Variants in HAPLN4 observed in about 807,000 individuals in gnomAD.
HAPLN4 encodes the protein brain link protein 2.
A neutral mutation model predicts 28.0 loss-of-function variants in HAPLN4; 19 were observed. That is an observed-to-expected ratio of 0.68 (90% CI 0.47 to 1.00). HAPLN4 has a LOEUF of 1.00. Among genes scored for constraint, HAPLN4 ranks in the 50% least tolerant of loss-of-function variants. The pLI, the probability that HAPLN4 is intolerant of heterozygous loss-of-function variation, is 0.00. For synonymous variants in HAPLN4, 274 were observed against 273.0 expected, an observed-to-expected ratio of 1.00 and a Z score of -0.03; for missense variants, 587 against 602.6, an observed-to-expected ratio of 0.97 and a Z score of 0.27.
Position 19,258,524 on chromosome 19 carries a change from C to T in HAPLN4, c.816G>A (p.Pro272=), listed in dbSNP as rs767885551. ...AGTCTTGGGGTGAGGCCTACGCACCCGGCAGGTTGGACGTGAAGCAGAAGG... is the reference window on the plus strand; with the variant it reads ...AGTCTTGGGGTGAGGCCTACGCACCTGGCAGGTTGGACGTGAAGCAGAAGG... The part of the protein sequence containing the change: ...YDAFCFTSNL[P]GRVFFLKPLR... Residue 272 remains proline, a splice_region_variant and synonymous_variant, in exon 4 of 5, where the codon CCG becomes CCA. Transcript: ENST00000291481. This position sits in a 1 kb window ranked among gnomAD's most constrained non-coding sequence, Gnocchi z 6.2. The T allele has an allele frequency of 8.1e-6, 13 of 1,613,002 alleles. No individual in the cohort carries two copies. The highest frequency in any genetic ancestry group is 1.1e-5 in the Non-Finnish European group (13 of 1,179,794).
chr19:19,257,477 T>C lies in HAPLN4; in HGVS notation c.*340A>G, dbSNP rs979794901. ...GGCGACCACGGGGGCAGTTGGTCTG[T>C]TTCCAAGTGGTCTCAGGAGGCGTGG... On this transcript the variant is annotated 3_prime_UTR_variant, in exon 5 of 5. Transcript: ENST00000291481. 7.9e-6 allele frequency: 2 copies of C among 254,650 alleles called. No individual in the cohort carries two copies. The highest frequency in any genetic ancestry group is 2.2e-5 in the African/African-American group (1 of 44,716). The allele number at this position is 254,650 out of a possible 1,614,324, so 15.8% of individuals were successfully genotyped here.
Position 19,258,695 on chromosome 19 carries a change from G to T in HAPLN4, c.645C>A (p.Arg215=). 6.2e-7 allele frequency: 1 copy of T among 1,606,666 alleles called. No individual in the cohort carries two copies. The highest frequency in any genetic ancestry group is 8.5e-7 in the Non-Finnish European group (1 of 1,177,588). The change falls in exon 4 of 5, where the codon CGC becomes CGA. Residue 215 remains arginine (R), a synonymous_variant. Transcript: ENST00000291481. The surrounding 1 kb of genome is among the most constrained non-coding windows in gnomAD (Gnocchi z 6.2). ...GLDWCNAGWL[R]DGSVQYPVNR... is the part of the protein sequence containing the mutation. ...TCACGGGGTATTGCACTGAGCCGTC[G>T]CGCAACCAGCCCGCGTTGCACCAGT... is the stretch of plus-strand genomic sequence containing the variant.
chr19:19,261,860 G>T (rs1158839777), intron 1 of HAPLN4, among the ~76,000 whole-genome samples: 4 of 151,380 alleles, frequency 2.6e-5, no homozygotes, highest in African/African-American at 9.7e-5. Context: ...GCCCTGGCCC[G>T]GGCCGGGGAT....
Position 19,261,470 on chromosome 19 carries a change from G to A in HAPLN4, c.97C>T (p.Arg33Trp), listed in dbSNP as rs1024845763. The A allele has an allele frequency of 2.0e-5, 33 of 1,612,162 alleles. No individual in the cohort carries two copies. Among genetic ancestry groups the A allele is most frequent in the Non-Finnish European group, 2.8e-5 (33 of 1,179,680 alleles). The change falls in exon 2 of 5, where the codon CGG becomes TGG. Residue 33 changes from arginine to tryptophan, a missense_variant. Transcript: ENST00000291481. Reference sequence around the variant, plus strand: ...CCCAGCACGTGCACGACCTTCTTCCGGCCACGCTGCGCCCCCGCAGGGGCT... The same window carrying A: ...CCCAGCACGTGCACGACCTTCTTCCAGCCACGCTGCGCCCCCGCAGGGGCT... ...LTAPAGAQRGRKKVVHVLEGE... is the reference protein window; with the variant it reads ...LTAPAGAQRGWKKVVHVLEGE...
Position 19,258,686 on chromosome 19 carries a change from T to C in HAPLN4, c.654A>G (p.Ser218=). Residue 218 remains serine, a synonymous_variant, in exon 4 of 5, where the codon TCA becomes TCG. Coordinates refer to ENST00000291481, the MANE Select transcript of HAPLN4 (RefSeq NM_023002.3). The surrounding 1 kb of genome is among the most constrained non-coding windows in gnomAD (Gnocchi z 6.2). ...WCNAGWLRDG[S]VQYPVNRPRE... ...GGGGCCGGTTCACGGGGTATTGCAC[T>C]GAGCCGTCGCGCAACCAGCCCGCGT... 6.2e-7 allele frequency: 1 copy of C among 1,608,466 alleles called. No homozygotes were observed. Among genetic ancestry groups the C allele is most frequent in the Non-Finnish European group, 8.5e-7 (1 of 1,178,102 alleles).
rs1035176092 is a variant in HAPLN4, at chr19:19,260,670, T to G, written c.484+143A>C. ...TCGCCAATGTCCCTGGGGAGGAAAA[T>G]CACCCAGAACCAGATATGGGGGCTC... On this transcript the variant is annotated intron_variant, in intron 3 of 4. Transcript: ENST00000291481. 3 of 994,346 alleles carry G rather than the reference T, an allele frequency of 3.0e-6. No individual in the cohort carries two copies. In the African/African-American group the frequency reaches 4.9e-5, roughly 16 times the overall value. 61.6% of individuals were successfully genotyped at this position (994,346 alleles called of 1,614,324 possible). A position where few individuals can be genotyped will look rare whatever the true frequency, so the allele number is the denominator to read the frequency against.
At position 19,258,214 on chromosome 19, in the gene HAPLN4, G is replaced by A. The variant is rs1363961477; in HGVS notation, c.818-6C>T. The A allele has an allele frequency of 1.4e-6, 2 of 1,477,274 alleles. No individual in the cohort carries two copies. Among genetic ancestry groups the A allele is most frequent in the Non-Finnish European group, 1.8e-6 (2 of 1,115,202 alleles). 91.5% of individuals were successfully genotyped at this position (1,477,274 alleles called of 1,614,324 possible). On this transcript the variant is annotated splice_polypyrimidine_tract_variant and splice_region_variant and intron_variant, in intron 4 of 4. Coordinates refer to ENST00000291481, the MANE Select transcript of HAPLN4 (RefSeq NM_023002.3). This position sits in a 1 kb window ranked among gnomAD's most constrained non-coding sequence, Gnocchi z 6.2. ...CTTCAGGAAGAACACGCGCCCTGCG[G>A]GGGTGAGGTGGGGGGTGGGTTATTA... is the stretch of plus-strand genomic sequence containing the variant.
rs2060969353 is a variant in HAPLN4 at position 19,257,587 on chromosome 19, G to A, written c.*230C>T. The A allele has an allele frequency of 2.4e-6, 1 of 422,586 alleles. No individual in the cohort carries two copies. The highest frequency in any genetic ancestry group is 4.0e-6 in the Non-Finnish European group (1 of 252,614). The allele number at this position is 422,586 out of a possible 1,614,324, so 26.2% of individuals were successfully genotyped here. ...CTCATGGAGAAAGTTGGGGAGTTGGGGGAATCCTCTATCCAGAAGAGGTGA... is the reference window on the plus strand; with the variant it reads ...CTCATGGAGAAAGTTGGGGAGTTGGAGGAATCCTCTATCCAGAAGAGGTGA... On this transcript the variant is annotated 3_prime_UTR_variant, in exon 5 of 5. Transcript: ENST00000291481.
Position 19,258,943 on chromosome 19 carries a change from G to A in HAPLN4, c.485-88C>T. ...GGGGTGCTATGTGACTCTTCAACCG[G>A]GACCTTTCAGTCCATTCCTCCTCAC... On this transcript the variant is annotated intron_variant, in intron 3 of 4. Transcript: ENST00000291481. This position sits in a 1 kb window ranked among gnomAD's most constrained non-coding sequence, Gnocchi z 6.2. 1 of 1,097,478 alleles carries A rather than the reference G, an allele frequency of 9.1e-7. No homozygotes were observed. The highest frequency in any genetic ancestry group is 1.3e-6 in the Non-Finnish European group (1 of 791,390). The allele number at this position is 1,097,478 out of a possible 1,614,324, so 68.0% of individuals were successfully genotyped here.
chr19:19,261,400 C>T, intron 2 of HAPLN4, 46 bp downstream of exon 2: 2 of 1,545,112 alleles, frequency 1.3e-6, no homozygotes, highest in Non-Finnish European at 1.8e-6. Context: ...CACTTGGCCA[C>T]TTCTGCTTTT....
intron 3 of HAPLN4, 143 bp downstream of exon 3, chr19:19,260,670 T>A: frequency 1.0e-6 from 1 of 994,464 alleles, no homozygotes; most frequent in Non-Finnish European, 1.5e-6. Flanking sequence ...GGGAGGAAAA[T>A]CACCCAGAAC....
chr19:19,261,383 C>T, intron 2 of HAPLN4, 63 bp downstream of exon 2: 2 of 1,455,216 alleles, frequency 1.4e-6, no homozygotes, highest in African/African-American at 1.4e-5. Flanking sequence ...CCCGCTACCC[C>T]TCTCCGCACT....
At chr19:19,259,589 C>A (rs894585195) in intron 3 of HAPLN4, among the ~76,000 whole-genome samples, 7 of 152,174 alleles carry the variant, frequency 4.6e-5, no homozygotes, top group African/African-American at 1.4e-4. Flanking sequence ...CTGGGCAAGG[C>A]TCTAACCTCT....
rs998535137 is a variant in HAPLN4 at position 19,257,012 on chromosome 19, G to A, written c.*805C>T. 2.0e-5 allele frequency: 3 copies of A among 152,638 alleles called. No homozygotes were observed. Among genetic ancestry groups the A allele is most frequent in the Non-Finnish European group, 4.4e-5 (3 of 68,084 alleles). The allele number at this position is 152,638 out of a possible 1,614,324, so 9.5% of individuals were successfully genotyped here. ...GGCCTGGGAAGATGGTCTGTTTGGTGACAGTTGGGAAAGGGACGTCAGAGG... is the reference window on the plus strand; with the variant it reads ...GGCCTGGGAAGATGGTCTGTTTGGTAACAGTTGGGAAAGGGACGTCAGAGG... On this transcript the variant is annotated 3_prime_UTR_variant, in exon 5 of 5. Coordinates refer to ENST00000291481, the MANE Select transcript of HAPLN4 (RefSeq NM_023002.3).
intron 1 of HAPLN4, among the ~76,000 whole-genome samples, chr19:19,262,507 G>A (rs1218226900): frequency 2.7e-5 from 4 of 150,850 alleles, no homozygotes; most frequent in Admixed American, 6.6e-5. Flanking sequence ...AAACGGAGAG[G>A]AGAGGAAAAA....
At chr19:19,261,308 A>C (rs2060982579) in intron 2 of HAPLN4, 133 bp from the exon 3 acceptor site, 1 of 1,254,820 alleles carries the variant, frequency 8.0e-7, no homozygotes, top group African/African-American at 1.5e-5. Flanking sequence ...CCAGGGGCTC[A>C]GGGAGAGGGC....
rs774131618 is a variant in HAPLN4 at position 19,260,954 on chromosome 19, G to A, written c.343C>T (p.Arg115Trp). Residue 115 changes from arginine (R) to tryptophan (W), a missense_variant, in exon 3 of 5, where the codon CGG (arginine) becomes TGG (tryptophan). Coordinates refer to ENST00000291481, the MANE Select transcript of HAPLN4 (RefSeq NM_023002.3). ...GGCCCGTCGCCCTGCAGCTCAGCCCGCCCACGGTAGCTGCCGAATGCCCGG... is the reference window on the plus strand; with the variant it reads ...GGCCCGTCGCCCTGCAGCTCAGCCCACCCACGGTAGCTGCCGAATGCCCGG... ...QHRAFGSYRG[R>W]AELQGDGPGD... 3.1e-6 allele frequency: 5 copies of A among 1,613,762 alleles called. No homozygotes were observed. The highest frequency in any genetic ancestry group is 4.2e-6 in the Non-Finnish European group (5 of 1,179,982).
At chr19:19,260,698 C>T (rs916223239) in intron 3 of HAPLN4, 115 bp downstream of exon 3, 1 of 1,328,852 alleles carries the variant, frequency 7.5e-7, no homozygotes, top group Non-Finnish European at 1.0e-6. Context: ...GGGGGCTCTA[C>T]CCCAACCAAC....
At position 19,257,557 on chromosome 19, in the gene HAPLN4, T is replaced by C; in HGVS notation, c.*260A>G. 2.7e-6 allele frequency: 1 copy of C among 375,364 alleles called. No individual in the cohort carries two copies. Among genetic ancestry groups the C allele is most frequent in the Non-Finnish European group, 4.7e-6 (1 of 214,600 alleles). The allele number at this position is 375,364 out of a possible 1,614,324, so 23.3% of individuals were successfully genotyped here. On this transcript the variant is annotated 3_prime_UTR_variant, in exon 5 of 5. Coordinates refer to ENST00000291481, the MANE Select transcript of HAPLN4 (RefSeq NM_023002.3). ...GGCCTCCTGAGGTCCTCAGGGGGCG[T>C]GACCCTCATGGAGAAAGTTGGGGAG...
Sources: gnomAD v4.1 joint callset for allele counts (sites outside exome capture counted in the v4.1 genomes callset) on GRCh38, gnomAD v4.1.1 for gene constraint, Gnocchi (gnomAD v3.1) non-coding constraint, MANE v1.5 for transcripts, NCBI Gene and HGNC (gene_info 2026-07-23, HGNC 2026-07-21) for gene names.